ZC3H3: variants seen among roughly 807,000 people sequenced by gnomAD.
ZC3H3 encodes the protein zinc finger CCCH domain-containing protein 3.
In ZC3H3, 36 loss-of-function variants were observed where a neutral mutation model predicts 77.3. The observed-to-expected ratio is 0.47, with a 90% confidence interval of 0.36 to 0.61. ZC3H3 has a LOEUF of 0.61. Ranked by LOEUF, ZC3H3 falls within the 20% of genes least tolerant of loss-of-function variation. The pLI is 0.00. For synonymous variants in ZC3H3, 626 were observed against 555.2 expected, an observed-to-expected ratio of 1.13 and a Z score of -1.79; for missense variants, 1,331 against 1,312.2, an observed-to-expected ratio of 1.01 and a Z score of -0.22.
chr8:143,484,163 C>A (rs1820984533), intron 4 of ZC3H3, among the ~76,000 whole-genome samples: 1 of 152,184 alleles, frequency 6.6e-6, no homozygotes, highest in Non-Finnish European at 1.5e-5. Flanking sequence ...CGGCTGGCTC[C>A]CCCGGCCCCT....
intron 4 of ZC3H3, chr8:143,484,869 C>T: frequency 4.4e-6 from 2 of 455,626 alleles, no homozygotes; most frequent in South Asian, 3.1e-5. Context: ...GAAGACCACA[C>T]AGCAAATCCG....
intron 8 of ZC3H3, among the ~76,000 whole-genome samples, chr8:143,466,707 T>C (rs546990585): frequency 6.6e-6 from 1 of 152,240 alleles, no homozygotes; most frequent in East Asian, 1.9e-4. Context: ...AGCCTCAGCA[T>C]GGAGCCCCCA....
chr8:143,514,903 A>G (rs73715646), intron 3 of ZC3H3, among the ~76,000 whole-genome samples: 4,001 of 152,294 alleles, frequency 0.026, 152 homozygotes, highest in African/African-American at 0.091. Context: ...CCTCCCTGTC[A>G]GGCCCATGTG....
Position 143,536,306 on chromosome 8 carries a change from G to A in ZC3H3, c.1512C>T (p.His504=), listed in dbSNP as rs770974121. ...GGCTCGGTGGCAGGCGACATAGTCG[G>A]TGCGTGGTGACCTGTACCAGGCCCT... The part of the protein sequence containing the change: ...PNKGLVQVTT[H]RLCRLPPSRA... The change falls in exon 3 of 12, where the codon CAC becomes CAT. Residue 504 remains histidine (H), a synonymous_variant. Coordinates refer to ENST00000262577, the MANE Select transcript of ZC3H3 (RefSeq NM_015117.3). The A allele has an allele frequency of 6.2e-7, 1 of 1,612,154 alleles. No homozygotes were observed. Among genetic ancestry groups the A allele is most frequent in the South Asian group, 1.1e-5 (1 of 90,846 alleles).
Position 143,475,576 on chromosome 8 carries a change from C to T in ZC3H3, c.1725G>A (p.Val575=). 6.3e-7 allele frequency: 1 copy of T among 1,597,330 alleles called. No homozygotes were observed. The highest frequency in any genetic ancestry group is 8.5e-7 in the Non-Finnish European group (1 of 1,172,338). ...ARRLSLSRSL[V]LNRLRPVASG... ...TGGCAACTGGACGCAGGCGGTTCAG[C>T]ACCAGGGACCTGCAGAGACAGGAAA... is the stretch of plus-strand genomic sequence containing the variant. The change falls in exon 5 of 12, where the codon GTG becomes GTA. Residue 575 remains valine, a synonymous_variant. Coordinates refer to ENST00000262577, the MANE Select transcript of ZC3H3 (RefSeq NM_015117.3).
chr8:143,500,759 C>T (rs1821500536), intron 4 of ZC3H3, among the ~76,000 whole-genome samples: 2 of 152,228 alleles, frequency 1.3e-5, no homozygotes, highest in South Asian at 4.1e-4. Context: ...GGGTGGAAGC[C>T]TCACAGCCAA....
intron 4 of ZC3H3, among the ~76,000 whole-genome samples, chr8:143,496,334 C>T (rs1025534906): frequency 7.9e-5 from 12 of 152,278 alleles, no homozygotes; most frequent in Admixed American, 2.0e-4. Flanking sequence ...AGAGCCACTG[C>T]CCCCCAAGGA....
chr8:143,539,358 G>T, intron 1 of ZC3H3, 38 bp from the exon 2 acceptor site: 1 of 1,543,418 alleles, frequency 6.5e-7, no homozygotes, highest in Non-Finnish European at 8.7e-7. Context: ...TAGCCAGAGG[G>T]TAACCGCGAT....
intron 1 of ZC3H3, among the ~76,000 whole-genome samples, chr8:143,540,947 C>A (rs1822991209): frequency 6.6e-6 from 1 of 151,202 alleles, no homozygotes; most frequent in South Asian, 2.1e-4. Context: ...CAGAGCAAGA[C>A]TCTGTCTCAA....
chr8:143,473,410 A>G (rs540434054), intron 5 of ZC3H3, among the ~76,000 whole-genome samples: 1 of 152,280 alleles, frequency 6.6e-6, no homozygotes, highest in East Asian at 1.9e-4. Context: ...GGCCCCAGGA[A>G]TCTTCACTGG....
chr8:143,525,360 G>A (rs1005301921), intron 3 of ZC3H3, among the ~76,000 whole-genome samples: 21 of 152,274 alleles, frequency 1.4e-4, no homozygotes, highest in Non-Finnish European at 2.5e-4. Context: ...AGGCACGGGC[G>A]TGGGCGCGGT....
At chr8:143,487,670 A>C (rs375065970) in intron 4 of ZC3H3, among the ~76,000 whole-genome samples, 13 of 42,292 alleles carry the variant, frequency 3.1e-4, no homozygotes, top group African/African-American at 5.1e-4. Context: ...AGCACCCGCT[A>C]CACGACCCCA....
At chr8:143,510,287 C>T (rs1005949038) in intron 3 of ZC3H3, among the ~76,000 whole-genome samples, 1 of 152,196 alleles carries the variant, frequency 6.6e-6, no homozygotes, top group African/African-American at 2.4e-5. Flanking sequence ...AAGGGGCTCA[C>T]AGTGACAAGG....
intron 4 of ZC3H3, among the ~76,000 whole-genome samples, chr8:143,506,295 C>T (rs1483711854): frequency 1.3e-5 from 2 of 152,202 alleles, no homozygotes; most frequent in African/African-American, 4.8e-5. Flanking sequence ...GTCGGGCTGA[C>T]GACGACCACA....
chr8:143,474,888 C>G (rs1280624037), intron 5 of ZC3H3, among the ~76,000 whole-genome samples: 2 of 152,214 alleles, frequency 1.3e-5, no homozygotes, highest in Admixed American at 6.5e-5. Context: ...ACACAGTTGT[C>G]GAGGCGTCGC....
chr8:143,541,260 A>T (rs1348351481), intron 1 of ZC3H3, 116 bp downstream of exon 1: 7 of 1,546,526 alleles, frequency 4.5e-6, no homozygotes, highest in Non-Finnish European at 6.1e-6. Flanking sequence ...CCCCCACCCC[A>T]GCCGCCACCC....
Position 143,533,977 on chromosome 8 carries a change from C to T in ZC3H3, c.1561+2280G>A, listed in dbSNP as rs1822707033. Among the ~76,000 whole-genome samples the T allele has an allele frequency of 6.6e-6, 1 of 152,010 alleles. No individual in the cohort carries two copies. The highest frequency in any genetic ancestry group is 2.4e-5 in the African/African-American group (1 of 41,444). The stretch of plus-strand genomic sequence containing the variant: ...AGGCATGAGCCACCACGCCCAGCCT[C>T]ACGTTGGTCTTTAACTATGAGTTTG... On this transcript the variant is annotated intron_variant, in intron 3 of 11. Coordinates refer to ENST00000262577, the MANE Select transcript of ZC3H3 (RefSeq NM_015117.3). This position sits in a 1 kb window ranked among gnomAD's most constrained non-coding sequence, Gnocchi z 4.0.
At chr8:143,528,461 C>T (rs917672445) in intron 3 of ZC3H3, among the ~76,000 whole-genome samples, 2 of 152,248 alleles carry the variant, frequency 1.3e-5, no homozygotes, top group Middle Eastern at 3.2e-3. Context: ...CACGGCCAGC[C>T]TCCCGGGGAG....
At position 143,528,838 on chromosome 8, in the gene ZC3H3, G is replaced by C. The variant is rs11782064; in HGVS notation, c.1561+7419C>G. Among the ~76,000 whole-genome samples, 1,285 of 152,270 alleles carry C rather than the reference G, an allele frequency of 8.4e-3. 9 individuals are homozygous for C. The highest frequency in any genetic ancestry group is 0.029 in the African/African-American group (1,215 of 41,554). On this transcript the variant is annotated intron_variant, in intron 3 of 11. Coordinates refer to ENST00000262577, the MANE Select transcript of ZC3H3 (RefSeq NM_015117.3). ...CTGCCCAGGTCCAGTCCTCTGGGAG[G>C]GGGGGCGCCTCACCCTCACCAGGAG...
Sources: gnomAD v4.1 joint callset for allele counts (sites outside exome capture counted in the v4.1 genomes callset) on GRCh38, gnomAD v4.1.1 for gene constraint, Gnocchi (gnomAD v3.1) non-coding constraint, MANE v1.5 for transcripts, NCBI Gene and HGNC (gene_info 2026-07-23, HGNC 2026-07-21) for gene names.